LMX1A: variants seen among roughly 807,000 people sequenced by gnomAD.
The protein encoded by LMX1A is LIM homeobox transcription factor 1 alpha.
A neutral mutation model predicts 49.1 loss-of-function variants in LMX1A; 15 were observed. That is an observed-to-expected ratio of 0.31 (90% CI 0.20 to 0.47). The LOEUF is 0.47. LMX1A is among the 20% of genes least tolerant of loss of function. The pLI is 1.00. For synonymous variants in LMX1A, 167 were observed against 185.7 expected (o/e 0.90, Z 0.82); for missense variants, 372 against 475.8 (o/e 0.78, Z 2.03).
At chr1:165,247,048 C>CTTTTTTTTTT (rs1204141626) in intron 4 of LMX1A, among the ~76,000 whole-genome samples, 4 of 21,412 alleles carry the variant, frequency 1.9e-4, no homozygotes, top group African/African-American at 8.4e-4. Context: ...ATCAGATCAG[C>CTTTTTTTTTT]TTTTTCTTTT....
chr1:165,210,258 G>A (rs1651320335), intron 6 of LMX1A, among the ~76,000 whole-genome samples: 1 of 152,142 alleles, frequency 6.6e-6, no homozygotes, highest in Non-Finnish European at 1.5e-5. Context: ...TGATGGCTTG[G>A]GCCTATATTA....
chr1:165,314,974 G>A (rs1341623500), intron 3 of LMX1A, among the ~76,000 whole-genome samples: 2 of 152,166 alleles, frequency 1.3e-5, no homozygotes, highest in Non-Finnish European at 2.9e-5. Context: ...CTACTAGACT[G>A]GTGACATACT....
chr1:165,228,514 G>C (rs1652123850), intron 4 of LMX1A, among the ~76,000 whole-genome samples: 1 of 152,158 alleles, frequency 6.6e-6, no homozygotes, highest in African/African-American at 2.4e-5. Flanking sequence ...GGATGATTTA[G>C]TTCTTCAGGG....
chr1:165,225,248 C>T (rs953844665), intron 4 of LMX1A, among the ~76,000 whole-genome samples: 1 of 152,172 alleles, frequency 6.6e-6, no homozygotes, highest in Non-Finnish European at 1.5e-5. Context: ...GACAGACCTT[C>T]CCATAGCCAT....
At chr1:165,217,824 T>A (rs1651698883) in intron 4 of LMX1A, among the ~76,000 whole-genome samples, 1 of 152,240 alleles carries the variant, frequency 6.6e-6, no homozygotes, top group African/African-American at 2.4e-5. Flanking sequence ...GTTGCTTTTG[T>A]GGTGCATTTT....
At chr1:165,326,963 T>C (rs1394450) in intron 3 of LMX1A, among the ~76,000 whole-genome samples, 1 of 152,090 alleles carries the variant, frequency 6.6e-6, no homozygotes, top group Non-Finnish European at 1.5e-5. Flanking sequence ...ACAGAACAAA[T>C]AATCATATGG....
intron 3 of LMX1A, among the ~76,000 whole-genome samples, chr1:165,269,687 T>C (rs1653737160): frequency 1.3e-5 from 2 of 152,188 alleles, no homozygotes; most frequent in African/African-American, 4.8e-5. Flanking sequence ...CTGTGGTACA[T>C]ATACACCATG....
intron 3 of LMX1A, among the ~76,000 whole-genome samples, chr1:165,325,905 T>C (rs191464070): frequency 1.3e-5 from 2 of 152,314 alleles, no homozygotes; most frequent in African/African-American, 4.8e-5. Flanking sequence ...TTCTCAGCCT[T>C]ATCTGCAGCT....
chr1:165,342,787 G>C (rs1656116441), intron 3 of LMX1A, among the ~76,000 whole-genome samples: 1 of 151,946 alleles, frequency 6.6e-6, no homozygotes, highest in South Asian at 2.1e-4. Flanking sequence ...TCCAAGAGCT[G>C]GTTCAACAGG....
intron 3 of LMX1A, among the ~76,000 whole-genome samples, chr1:165,264,021 T>G (rs1249235858): frequency 1.3e-5 from 2 of 151,904 alleles, no homozygotes; most frequent in African/African-American, 2.4e-5. Flanking sequence ...AAGGCAAGAG[T>G]TTCCCTTCCA....
At position 165,354,471 on chromosome 1, in the gene LMX1A, C is replaced by T. The variant is rs57372045; in HGVS notation, c.76+1013G>A. On this transcript the variant is annotated intron_variant, in intron 2 of 8. Transcript: ENST00000342310. ...ACATAAATCCGCACCCGCTGCCCGC[C>T]CGGGTACTGCCTGCTCTGGCTTCCG... 2.8e-3 allele frequency among the ~76,000 whole-genome samples: 419 copies of T among 152,322 alleles called. 1 individual carries two copies. The highest frequency in any genetic ancestry group is 9.5e-3 in the African/African-American group (393 of 41,566).
chr1:165,205,392 T>A (rs1488920602), intron 8 of LMX1A, among the ~76,000 whole-genome samples: 1 of 152,212 alleles, frequency 6.6e-6, no homozygotes. Context: ...ACTTTCACTT[T>A]ACAAGTCAGT....
chr1:165,242,755 G>A (rs1465651808), intron 4 of LMX1A, among the ~76,000 whole-genome samples: 3 of 151,052 alleles, frequency 2.0e-5, no homozygotes, highest in Non-Finnish European at 4.4e-5. Flanking sequence ...TTTTTCTCAG[G>A]TGACTTCTGA....
intron 3 of LMX1A, among the ~76,000 whole-genome samples, chr1:165,306,836 T>C (rs1310989692): frequency 6.6e-6 from 1 of 152,142 alleles, no homozygotes; most frequent in Non-Finnish European, 1.5e-5. Context: ...CCACCATCAG[T>C]AGGATTTCCA....
At chr1:165,301,142 G>A (rs10800083) in intron 3 of LMX1A, among the ~76,000 whole-genome samples, 74,290 of 148,758 alleles carry the variant, frequency 0.5, 18,263 homozygotes, top group South Asian at 0.58. Context: ...AGAACCCGTG[G>A]GGCAGCTACA....
intron 4 of LMX1A, among the ~76,000 whole-genome samples, chr1:165,244,754 G>A (rs963312711): frequency 1.4e-4 from 21 of 152,100 alleles, no homozygotes; most frequent in African/African-American, 4.8e-4. Flanking sequence ...TCAAGAGCTC[G>A]TGATTCTCTG....
chr1:165,275,661 C>G (rs959449065), intron 3 of LMX1A, among the ~76,000 whole-genome samples: 4 of 152,122 alleles, frequency 2.6e-5, no homozygotes, highest in African/African-American at 9.7e-5. Flanking sequence ...TAATCCTTCT[C>G]CAGGGAAGAA....
intron 6 of LMX1A, among the ~76,000 whole-genome samples, chr1:165,210,389 A>G (rs939255174): frequency 2.0e-5 from 3 of 152,244 alleles, no homozygotes; most frequent in African/African-American, 4.8e-5. Flanking sequence ...CATTAAATAA[A>G]TATGAATTAA....
intron 4 of LMX1A, among the ~76,000 whole-genome samples, chr1:165,246,887 A>G (rs1471428308): frequency 9.1e-6 from 1 of 109,460 alleles, no homozygotes; most frequent in Non-Finnish European, 2.0e-5. Flanking sequence ...ACATGAATGA[A>G]TAAACTGGAA....
Sources: gnomAD v4.1 joint callset for allele counts (sites outside exome capture counted in the v4.1 genomes callset) on GRCh38, gnomAD v4.1.1 for gene constraint, MANE v1.5 for transcripts, NCBI Gene and HGNC (gene_info 2026-07-23, HGNC 2026-07-21) for gene names.